Variants in KIF13A observed in about 807,000 individuals in gnomAD.
The protein encoded by KIF13A is kinesin-like protein KIF13A.
KIF13A carries 79 observed loss-of-function variants against 212.2 expected under a neutral mutation model. The ratio of observed to expected loss-of-function variants is 0.37; its 90% CI spans 0.31 to 0.45. The LOEUF (loss-of-function observed/expected upper bound fraction) is 0.45, where lower values mean the gene tolerates loss of function less well. Among genes scored for constraint, KIF13A ranks in the 20% least tolerant of loss-of-function variants. The pLI is 1.00. For missense variants in KIF13A, 1,901 were observed against 2,209.0 expected, an observed-to-expected ratio of 0.86 and a Z score of 2.79; for synonymous variants, 789 against 808.6, an observed-to-expected ratio of 0.98 and a Z score of 0.41.
intron 2 of KIF13A, among the ~76,000 whole-genome samples, chr6:17,936,580 G>T (rs750188549): frequency 2.0e-5 from 3 of 152,128 alleles, no homozygotes; most frequent in Non-Finnish European, 4.4e-5. Flanking sequence ...GAGTTTGCAG[G>T]TATTATGTGC....
intron 33 of KIF13A, 106 bp downstream of exon 33, chr6:17,778,841 C>T: frequency 1.5e-6 from 2 of 1,315,566 alleles, no homozygotes; most frequent in Non-Finnish European, 2.1e-6. Context: ...CTCAAGTGCT[C>T]CTTCTCTGAT....
At chr6:17,925,179 T>C (rs552386481) in intron 2 of KIF13A, among the ~76,000 whole-genome samples, 35 of 152,306 alleles carry the variant, frequency 2.3e-4, no homozygotes, top group African/African-American at 7.7e-4. Flanking sequence ...GGCAAGCGCA[T>C]GCCTGGAGAC....
downstream of KIF13A, among the ~76,000 whole-genome samples, chr6:17,763,352 C>T (rs1758674671): frequency 6.6e-6 from 1 of 151,816 alleles, no homozygotes; most frequent in Non-Finnish European, 1.5e-5. Flanking sequence ...TGCCTGTAGT[C>T]CCAGCTACAC....
intron 2 of KIF13A, among the ~76,000 whole-genome samples, chr6:17,964,156 A>T (rs1279003365): frequency 1.3e-5 from 2 of 152,132 alleles, no homozygotes; most frequent in Non-Finnish European, 2.9e-5. Flanking sequence ...CCTCTCAATA[A>T]GGTTAATTTT....
At chr6:17,890,623 CCTT>C (rs1231225682) in intron 3 of KIF13A, among the ~76,000 whole-genome samples, 68 of 151,290 alleles carry the variant, frequency 4.5e-4, no homozygotes, top group South Asian at 2.7e-3. Flanking sequence ...TCCCCCTTCT[CCTT>C]CTTCTTTTTT....
At chr6:17,791,092 A>G (rs1008350986) in intron 25 of KIF13A, among the ~76,000 whole-genome samples, 10 of 151,638 alleles carry the variant, frequency 6.6e-5, no homozygotes, top group African/African-American at 2.4e-4. Context: ...TTTCATATAT[A>G]CTTCAAAATG....
At chr6:17,931,318 C>A (rs760832612) in intron 2 of KIF13A, among the ~76,000 whole-genome samples, 7 of 152,132 alleles carry the variant, frequency 4.6e-5, no homozygotes, top group Non-Finnish European at 8.8e-5. Flanking sequence ...ATATCAAACA[C>A]AATTTGCACT....
At chr6:17,880,402 G>A (rs189251933) in intron 3 of KIF13A, among the ~76,000 whole-genome samples, 73 of 152,094 alleles carry the variant, frequency 4.8e-4, no homozygotes, top group African/African-American at 1.4e-3. Flanking sequence ...CAAGGCGGGC[G>A]GATCACCTGA....
In KIF13A at chr6:17,809,614, C is replaced by G. The variant is rs1252259509; in HGVS notation, c.2001-684G>C. Among the ~76,000 whole-genome samples, 1 of 152,166 alleles carries G rather than the reference C, an allele frequency of 6.6e-6. No homozygotes were observed. The highest frequency in any genetic ancestry group is 1.5e-5 in the Non-Finnish European group (1 of 68,020). ...GGTTGCCCCAAGGCAGGGACCATGT[C>G]TTTTTTTGCTTGCACTACCCTAGCT... is the stretch of plus-strand genomic sequence containing the variant. On this transcript the variant is annotated intron_variant, in intron 17 of 38. Coordinates refer to ENST00000259711, the MANE Select transcript of KIF13A (RefSeq NM_022113.6). The surrounding 1 kb of genome is among the most constrained non-coding windows in gnomAD (Gnocchi z 4.7).
intron 9 of KIF13A, among the ~76,000 whole-genome samples, chr6:17,848,558 C>CTTTTTTTTTTTT (rs66477046): frequency 1.5e-5 from 1 of 68,856 alleles, no homozygotes; most frequent in African/African-American, 5.5e-5. Context: ...ACTCGTACAT[C>CTTTTTTTTTTTT]TTTTTTTTTT....
intron 9 of KIF13A, among the ~76,000 whole-genome samples, chr6:17,842,072 A>C (rs1766583228): frequency 6.6e-6 from 1 of 150,816 alleles, no homozygotes; most frequent in Admixed American, 6.6e-5. Context: ...TCTTTGAGAT[A>C]GGGTCTTGCT....
At chr6:17,906,202 G>A (rs1238745856) in intron 2 of KIF13A, among the ~76,000 whole-genome samples, 3 of 152,142 alleles carry the variant, frequency 2.0e-5, no homozygotes, top group Non-Finnish European at 4.4e-5. Flanking sequence ...ATTCATTCAA[G>A]AGACATGCCA....
intron 2 of KIF13A, among the ~76,000 whole-genome samples, chr6:17,976,343 G>A (rs996355848): frequency 6.6e-6 from 1 of 152,244 alleles, no homozygotes; most frequent in South Asian, 2.1e-4. Flanking sequence ...CTGTAAGGCA[G>A]CTAAGGCCCG....
chr6:17,788,242 C>A (rs538572470), intron 26 of KIF13A, among the ~76,000 whole-genome samples: 15 of 152,198 alleles, frequency 9.9e-5, no homozygotes, highest in African/African-American at 3.4e-4. Context: ...GAACAGAGCC[C>A]AAACCAAGTA....
At chr6:17,805,324 A>G (rs1762845475) in intron 19 of KIF13A, 151 bp downstream of exon 19, 5 of 717,818 alleles carry the variant, frequency 7.0e-6, no homozygotes, top group Admixed American at 3.0e-5. Flanking sequence ...AATCACTTGT[A>G]CTTTATTTTC....
chr6:17,865,344 GCT>G (rs1401106333), intron 4 of KIF13A, among the ~76,000 whole-genome samples: 1 of 151,106 alleles, frequency 6.6e-6, no homozygotes, highest in Non-Finnish European at 1.5e-5. Context: ...AAAAATAAAG[GCT>G]GGGCTCACTA....
intron 3 of KIF13A, among the ~76,000 whole-genome samples, chr6:17,880,174 G>A (rs73371190): frequency 0.061 from 9,282 of 152,018 alleles, 753 homozygotes; most frequent in African/African-American, 0.18. Context: ...AGCTAGTCTC[G>A]AATTCTCCTA....
Position 17,892,101 on chromosome 6 carries a change from T to C in KIF13A, c.159+6067A>G, listed in dbSNP as rs1289820981. On this transcript the variant is annotated intron_variant, in intron 3 of 38. Coordinates refer to ENST00000259711, the MANE Select transcript of KIF13A (RefSeq NM_022113.6). The surrounding 1 kb of genome is among the most constrained non-coding windows in gnomAD (Gnocchi z 4.7). Reference sequence around the variant, plus strand: ...TCAGATGGCTGCCATCACTTCCAACTCAGCCCACTCTAGAACGTAATCAAC... The same window carrying C: ...TCAGATGGCTGCCATCACTTCCAACCCAGCCCACTCTAGAACGTAATCAAC... 6.6e-6 allele frequency among the ~76,000 whole-genome samples: 1 copy of C among 152,152 alleles called. No homozygotes were observed. Among genetic ancestry groups the C allele is most frequent in the Non-Finnish European group, 1.5e-5 (1 of 68,026 alleles).
intron 2 of KIF13A, among the ~76,000 whole-genome samples, chr6:17,930,294 T>C (rs1775880474): frequency 6.6e-6 from 1 of 152,222 alleles, no homozygotes; most frequent in Non-Finnish European, 1.5e-5. Context: ...TTAGCGGGCA[T>C]TGTGAAGCAC....
Sources: gnomAD v4.1 joint callset for allele counts (sites outside exome capture counted in the v4.1 genomes callset) on GRCh38, gnomAD v4.1.1 for gene constraint, Gnocchi (gnomAD v3.1) non-coding constraint, MANE v1.5 for transcripts, NCBI Gene and HGNC (gene_info 2026-07-23, HGNC 2026-07-21) for gene names.